The following SLC25A37 variants were observed in gnomAD, a reference collection of about 807,000 sequenced individuals.
The protein encoded by SLC25A37 is mitoferrin-1.
A neutral mutation model predicts 31.0 loss-of-function variants in SLC25A37; 17 were observed. The observed-to-expected ratio is 0.55, with a 90% confidence interval of 0.38 to 0.82. The LOEUF (loss-of-function observed/expected upper bound fraction) is 0.82. SLC25A37 is among the 40% of genes least tolerant of loss of function. The probability of loss-of-function intolerance (pLI) is 0.00; values close to 1 mark genes in which losing one functional copy is unlikely to be tolerated. For synonymous variants in SLC25A37, 222 were observed against 193.0 expected (o/e 1.15, Z -1.24); for missense variants, 404 against 465.8 (o/e 0.87, Z 1.22).
chr8:23,566,621 TTTTTG>T, intron 2 of SLC25A37: 2 of 1,142,500 alleles, frequency 1.8e-6, no homozygotes, highest in South Asian at 5.8e-5. Context: ...TTTGTATTTT[TTTTTG>T]TTTGTTTTGT....
intron 3 of SLC25A37, 73 bp from the exon 4 acceptor site, chr8:23,571,262 C>T: frequency 9.6e-6 from 14 of 1,451,900 alleles, no homozygotes; most frequent in Non-Finnish European, 1.3e-5. Flanking sequence ...TTCATTCCGA[C>T]CTGGGGTGGG....
rs1801628826 is a variant in SLC25A37 at position 23,529,820 on chromosome 8, T to C, written c.210+608T>C. On this transcript the variant is annotated intron_variant, in intron 1 of 3. Coordinates refer to ENST00000519973, the MANE Select transcript of SLC25A37 (RefSeq NM_016612.4). The surrounding 1 kb of genome is among the most constrained non-coding windows in gnomAD (Gnocchi z 4.1). ...CCCGTGGGATCCCCTTTCTGAGGGT[T>C]CCTGCACTTCTTCCCCCGACTTTGG... 1.3e-5 allele frequency among the ~76,000 whole-genome samples: 2 copies of C among 152,130 alleles called. No individual in the cohort carries two copies. The highest frequency in any genetic ancestry group is 4.1e-4 in the South Asian group (2 of 4,820).
intron 2 of SLC25A37, chr8:23,567,474 C>T (rs572631239): frequency 6.6e-6 from 1 of 152,610 alleles, no homozygotes; most frequent in Admixed American, 6.5e-5. Context: ...AAGTGCTGCC[C>T]TGCACTGTTT....
intron 1 of SLC25A37, among the ~76,000 whole-genome samples, chr8:23,549,878 T>C (rs1802176171): frequency 7.2e-6 from 1 of 138,150 alleles, no homozygotes; most frequent in Non-Finnish European, 1.5e-5. Context: ...CCAGGTGCAT[T>C]GCGCTAGGGG....
intron 1 of SLC25A37, among the ~76,000 whole-genome samples, chr8:23,559,591 A>G (rs1214104183): frequency 6.6e-6 from 1 of 152,192 alleles, no homozygotes; most frequent in Non-Finnish European, 1.5e-5. Flanking sequence ...ATGCATCCAC[A>G]GAACTCTCCT....
At chr8:23,536,968 G>A (rs929748870) in intron 1 of SLC25A37, among the ~76,000 whole-genome samples, 2 of 152,180 alleles carry the variant, frequency 1.3e-5, no homozygotes, top group African/African-American at 4.8e-5. Context: ...GGCCGAGGTG[G>A]GAGGATCACT....
At chr8:23,546,567 TA>T in intron 1 of SLC25A37, among the ~76,000 whole-genome samples, 1 of 93,232 alleles carries the variant, frequency 1.1e-5, no homozygotes, top group African/African-American at 7.6e-5. Flanking sequence ...TATATATATA[TA>T]TATATATATA....
At position 23,529,280 on chromosome 8, in the gene SLC25A37, G is replaced by C; in HGVS notation, c.210+68G>C. The C allele has an allele frequency of 6.8e-7, 1 of 1,466,228 alleles. No individual in the cohort carries two copies. Among genetic ancestry groups the C allele is most frequent in the South Asian group, 1.3e-5 (1 of 78,958 alleles). 90.8% of individuals were successfully genotyped at this position (1,466,228 alleles called of 1,614,324 possible). ...GAGCGCGCGCGCGCATTTGCATCCC[G>C]CGCGCCGGCAGCCTCGGGGCAGCGT... On this transcript the variant is annotated intron_variant, in intron 1 of 3. Coordinates refer to ENST00000519973, the MANE Select transcript of SLC25A37 (RefSeq NM_016612.4). This position sits in a 1 kb window ranked among gnomAD's most constrained non-coding sequence, Gnocchi z 4.1.
chr8:23,556,522 A>T (rs945620389), intron 1 of SLC25A37, among the ~76,000 whole-genome samples: 2 of 151,594 alleles, frequency 1.3e-5, no homozygotes, highest in African/African-American at 4.9e-5. Flanking sequence ...CACTGCACCC[A>T]GCTCAAATTT....
intron 1 of SLC25A37, among the ~76,000 whole-genome samples, chr8:23,544,619 C>T (rs530241084): frequency 6.6e-6 from 1 of 152,260 alleles, no homozygotes; most frequent in Non-Finnish European, 1.5e-5. Context: ...GAAAGGCCCC[C>T]CGAGGAAGGA....
intron 1 of SLC25A37, among the ~76,000 whole-genome samples, chr8:23,546,325 A>G (rs1330354356): frequency 6.6e-6 from 1 of 151,404 alleles, no homozygotes; most frequent in Non-Finnish European, 1.5e-5. Flanking sequence ...TGAATAAATA[A>G]AAGAACAGAA....
intron 3 of SLC25A37, among the ~76,000 whole-genome samples, chr8:23,570,178 G>A (rs916939247): frequency 6.6e-6 from 1 of 152,128 alleles, no homozygotes; most frequent in Admixed American, 6.5e-5. Context: ...TTTCTTTATC[G>A]TGTGCCGCAC....
At chr8:23,564,885 A>G (rs1422826758) in intron 1 of SLC25A37, among the ~76,000 whole-genome samples, 4 of 151,936 alleles carry the variant, frequency 2.6e-5, no homozygotes, top group Non-Finnish European at 4.4e-5. Flanking sequence ...CTGTCTACCT[A>G]CCTACCTATC....
At chr8:23,546,618 G>GTATA (rs1420233827) in intron 1 of SLC25A37, among the ~76,000 whole-genome samples, 4 of 135,012 alleles carry the variant, frequency 3.0e-5, no homozygotes, top group South Asian at 4.7e-4. Flanking sequence ...GTGTGTGTGT[G>GTATA]TGTATATATA....
intron 1 of SLC25A37, among the ~76,000 whole-genome samples, chr8:23,548,535 A>G (rs1006712315): frequency 2.7e-5 from 4 of 146,982 alleles, no homozygotes; most frequent in Non-Finnish European, 4.4e-5. Context: ...CAGTGGCGCA[A>G]TGTCGGCTCA....
chr8:23,537,085 T>G (rs1358867019), intron 1 of SLC25A37, among the ~76,000 whole-genome samples: 1 of 151,498 alleles, frequency 6.6e-6, no homozygotes, highest in African/African-American at 2.4e-5. Flanking sequence ...GGTCTCAGCT[T>G]CTTGGGAGGC....
rs192824507 is a variant in SLC25A37, at chr8:23,548,779, A to C, written c.211-17329A>C. On this transcript the variant is annotated intron_variant, in intron 1 of 3. Transcript: ENST00000519973. The stretch of plus-strand genomic sequence containing the variant: ...GTCACTGCGCCTGGCCAAAGGCAAG[A>C]GATGAGGACCATATAGATGGAAACA... Among the ~76,000 whole-genome samples, 157 of 152,300 alleles carry C rather than the reference A, an allele frequency of 1.0e-3. 1 individual carries two copies. Among genetic ancestry groups the C allele is most frequent in the African/African-American group, 3.2e-3 (134 of 41,570 alleles).
intron 1 of SLC25A37, among the ~76,000 whole-genome samples, chr8:23,557,537 G>A (rs1354891876): frequency 6.6e-6 from 1 of 152,166 alleles, no homozygotes; most frequent in African/African-American, 2.4e-5. Flanking sequence ...CAGTGAGGGA[G>A]GGCTCTGCAG....
chr8:23,572,104 C>T lies in SLC25A37; in HGVS notation c.*249C>T, dbSNP rs1248277606. On this transcript the variant is annotated 3_prime_UTR_variant, in exon 4 of 4. Transcript: ENST00000519973. ...CGAGAAATTGCTTTTTCTCTTCCTC[C>T]CTGGGCAGAATGTAGCTTTTCTGCT... 2.3e-6 allele frequency: 1 copy of T among 440,178 alleles called. No individual in the cohort carries two copies. The highest frequency in any genetic ancestry group is 4.0e-6 in the Non-Finnish European group (1 of 247,898). 27.3% of individuals were successfully genotyped at this position (440,178 alleles called of 1,614,324 possible).
Sources: gnomAD v4.1 joint callset for allele counts (sites outside exome capture counted in the v4.1 genomes callset) on GRCh38, gnomAD v4.1.1 for gene constraint, Gnocchi (gnomAD v3.1) non-coding constraint, MANE v1.5 for transcripts, NCBI Gene and HGNC (gene_info 2026-07-23, HGNC 2026-07-21) for gene names.